The following WWC2 variants were observed in gnomAD, a reference collection of about 807,000 sequenced individuals.
The protein encoded by WWC2 is protein WWC2.
In WWC2, 101 loss-of-function variants were observed where a neutral mutation model predicts 138.5. The ratio of observed to expected loss-of-function variants is 0.73; its 90% CI spans 0.62 to 0.86. The LOEUF is 0.86. Ranked by LOEUF, WWC2 falls within the 40% of genes least tolerant of loss-of-function variation. WWC2 has a pLI of 0.00. For synonymous variants in WWC2, 558 were observed against 538.4 expected (o/e 1.04, Z -0.50); for missense variants, 1,420 against 1,419.4 (o/e 1.00, Z -0.01).
chr4:183,145,644 A>G (rs1374813151), intron 1 of WWC2, among the ~76,000 whole-genome samples: 1 of 152,222 alleles, frequency 6.6e-6, no homozygotes, highest in Non-Finnish European at 1.5e-5. Context: ...TGCATAAGGA[A>G]GAAGAACTGT....
intron 16 of WWC2, among the ~76,000 whole-genome samples, chr4:183,277,232 T>G (rs1397298879): frequency 1.3e-5 from 2 of 150,788 alleles, no homozygotes; most frequent in East Asian, 3.9e-4. Flanking sequence ...TATGCGGTGT[T>G]TGGTTTTTTG....
chr4:183,248,956 T>G, intron 7 of WWC2, 96 bp downstream of exon 7: 2 of 1,242,786 alleles, frequency 1.6e-6, no homozygotes, highest in Non-Finnish European at 2.1e-6. Context: ...TATATGTGAC[T>G]TGGATTCTGG....
rs1002639013 is a variant in WWC2, at chr4:183,113,636, G to T, written c.131+14014G>T. Reference sequence around the variant, plus strand: ...GGTCTCAAACTCCTGGCTTCAAGCAGTCCTCCCTCTGCAGCCTCCCAAAGT... The same window carrying T: ...GGTCTCAAACTCCTGGCTTCAAGCATTCCTCCCTCTGCAGCCTCCCAAAGT... On this transcript the variant is annotated intron_variant, in intron 1 of 22. Coordinates refer to ENST00000403733, the MANE Select transcript of WWC2 (RefSeq NM_024949.6). Among the ~76,000 whole-genome samples, 7 of 152,114 alleles carry T rather than the reference G, an allele frequency of 4.6e-5. No individual in the cohort carries two copies. In the East Asian group the frequency reaches 1.2e-3, roughly 25 times the overall value.
At chr4:183,215,228 G>T (rs1461089967) in intron 4 of WWC2, among the ~76,000 whole-genome samples, 2 of 152,164 alleles carry the variant, frequency 1.3e-5, no homozygotes, top group Admixed American at 6.5e-5. Context: ...TTTAATAAAA[G>T]TTATGTGGAT....
At chr4:183,312,544 G>T (rs1739292708) in intron 22 of WWC2, 76 bp downstream of exon 22, 2 of 1,587,480 alleles carry the variant, frequency 1.3e-6, no homozygotes. Flanking sequence ...CCTCAGTGCA[G>T]TGAAAGTTAA....
intron 22 of WWC2, 42 bp downstream of exon 22, chr4:183,312,510 G>A (rs773337505): frequency 1.1e-5 from 18 of 1,609,966 alleles, no homozygotes; most frequent in South Asian, 8.8e-5. Context: ...TTGCCCTCAC[G>A]GGGTCTGATT....
chr4:183,286,347 C>T (rs72701395), intron 20 of WWC2, among the ~76,000 whole-genome samples: 7,935 of 152,112 alleles, frequency 0.052, 300 homozygotes, highest in Non-Finnish European at 0.083. Flanking sequence ...GGGTATCAGA[C>T]GATGGTAGAA....
At chr4:183,265,601 C>A in intron 12 of WWC2, 87 bp from the exon 13 acceptor site, 1 of 1,360,974 alleles carries the variant, frequency 7.3e-7, no homozygotes. Flanking sequence ...TTTGGATTTT[C>A]ATTCAGAATC....
Position 183,193,692 on chromosome 4 carries a change from C to T in WWC2, c.225C>T (p.Tyr75=). 1.2e-6 allele frequency: 2 copies of T among 1,613,448 alleles called. No individual in the cohort carries two copies. The highest frequency in any genetic ancestry group is 2.7e-5 in the African/African-American group (2 of 75,014). Residue 75 remains tyrosine (Y), a synonymous_variant, in exon 2 of 23, where the codon TAC becomes TAT. Transcript: ENST00000403733. ...TTGACCCTCAGATTGGTGTCTACTA[C>T]ATCGATCACATCAACAGTAAGTTTT... ...AGFDPQIGVY[Y]IDHINKTTQI...
intron 5 of WWC2, among the ~76,000 whole-genome samples, chr4:183,242,925 CAAG>C (rs1427730688): frequency 6.6e-6 from 1 of 151,970 alleles, no homozygotes; most frequent in Non-Finnish European, 1.5e-5. Context: ...AGGAGAAAAA[CAAG>C]AAACAGTGAA....
chr4:183,318,522 A>G lies in WWC2; in HGVS notation c.*2793A>G, dbSNP rs897916379. 1 of 152,426 alleles carries G rather than the reference A, an allele frequency of 6.6e-6. No individual in the cohort carries two copies. The highest frequency in any genetic ancestry group is 1.5e-5 in the Non-Finnish European group (1 of 67,972). The allele number at this position is 152,426 out of a possible 1,614,324, so 9.4% of individuals were successfully genotyped here. A position where few individuals can be genotyped will look rare whatever the true frequency, so the allele number is the denominator to read the frequency against. ...AAAAAAAAAGCAAAAACAAAGCTAC[A>G]TATTGCCTAATACTCTATTTCAGTG... On this transcript the variant is annotated 3_prime_UTR_variant, in exon 23 of 23. Coordinates refer to ENST00000403733, the MANE Select transcript of WWC2 (RefSeq NM_024949.6).
Position 183,253,875 on chromosome 4 carries a change from C to G in WWC2, c.1072C>G (p.Leu358Val). 6.2e-7 allele frequency: 1 copy of G among 1,613,738 alleles called. No homozygotes were observed. The highest frequency in any genetic ancestry group is 8.5e-7 in the Non-Finnish European group (1 of 1,179,812). Reference protein sequence around the residue: ...INEKEELLKELQFVTPQKRTQ... With the variant: ...INEKEELLKEVQFVTPQKRTQ... ...TGAAAAAGAAGAACTTTTGAAAGAG[C>G]TTCAGTTCGTCACCCCACAGAAACG... Residue 358 changes from leucine (L) to valine (V), a missense_variant, in exon 9 of 23, where the codon CTT (leucine) becomes GTT (valine). Coordinates refer to ENST00000403733, the MANE Select transcript of WWC2 (RefSeq NM_024949.6).
chr4:183,207,895 A>T (rs1735487451), intron 2 of WWC2, 58 bp from the exon 3 acceptor site: 2 of 1,478,152 alleles, frequency 1.4e-6, no homozygotes, highest in Admixed American at 4.6e-5. Context: ...CCTAAAGCTT[A>T]AACAAGCCGG....
At chr4:183,254,124 A>T in intron 9 of WWC2, 125 bp downstream of exon 9, 1 of 1,405,420 alleles carries the variant, frequency 7.1e-7, no homozygotes, top group South Asian at 1.5e-5. Flanking sequence ...AACAGCACAA[A>T]TGGACTTTCT....
intron 14 of WWC2, 53 bp downstream of exon 14, chr4:183,266,004 G>T: frequency 6.7e-7 from 1 of 1,488,092 alleles, no homozygotes; most frequent in South Asian, 1.2e-5. Context: ...TTCCATGTAA[G>T]AGAATTTTAC....
At chr4:183,230,810 G>A (rs4277817) in intron 4 of WWC2, among the ~76,000 whole-genome samples, 11,484 of 152,060 alleles carry the variant, frequency 0.076, 1,462 homozygotes, top group African/African-American at 0.26. Flanking sequence ...GAGAAAATGA[G>A]CAAATAAAAA....
rs556319534 is a variant in WWC2, at chr4:183,255,579, G to A, written c.1196+1580G>A. On this transcript the variant is annotated intron_variant, in intron 9 of 22. Coordinates refer to ENST00000403733, the MANE Select transcript of WWC2 (RefSeq NM_024949.6). Reference sequence around the variant, plus strand: ...TAATCATACGTGTCTAATGTGCCACGTCCATCTCAGCTGTTCTACTTTGTA... The same window carrying A: ...TAATCATACGTGTCTAATGTGCCACATCCATCTCAGCTGTTCTACTTTGTA... Among the ~76,000 whole-genome samples, 43 of 152,220 alleles carry A rather than the reference G, an allele frequency of 2.8e-4. No homozygotes were observed. In the East Asian group the frequency reaches 5.6e-3, roughly 20 times the overall value.
intron 1 of WWC2, among the ~76,000 whole-genome samples, chr4:183,158,369 G>A (rs1347249133): frequency 1.1e-5 from 1 of 89,930 alleles, no homozygotes; most frequent in East Asian, 3.6e-4. Context: ...CACAGTTCCA[G>A]AGGCTGAGTC....
chr4:183,266,231 G>T (rs1218152614), intron 14 of WWC2, among the ~76,000 whole-genome samples: 1 of 152,122 alleles, frequency 6.6e-6, no homozygotes, highest in African/African-American at 2.4e-5. Context: ...GTTGGAATTT[G>T]ATTGAAATAT....
Sources: allele counts gnomAD v4.1 joint callset (sites outside exome capture counted in the v4.1 genomes callset), GRCh38; gene constraint gnomAD v4.1.1; transcripts MANE v1.5; gene names NCBI Gene and HGNC (gene_info 2026-07-23, HGNC 2026-07-21).